Variants in STK32A observed in about 807,000 individuals in gnomAD.
The protein encoded by STK32A is serine/threonine kinase 32A, also known as serine/threonine-protein kinase 32A.
In STK32A, 41 loss-of-function variants were observed where a neutral mutation model predicts 53.2. That is an observed-to-expected ratio of 0.77 (90% confidence interval 0.60 to 1.00). STK32A has a LOEUF of 1.00. Among genes scored for constraint, STK32A ranks in the 50% least tolerant of loss-of-function variants. The probability of loss-of-function intolerance (pLI) is 0.00; values close to 1 mark genes in which losing one functional copy is unlikely to be tolerated. For missense variants in STK32A, 458 were observed against 485.8 expected (o/e 0.94, Z 0.54); for synonymous variants, 166 against 162.8 (o/e 1.02, Z -0.15).
intron 4 of STK32A, among the ~76,000 whole-genome samples, chr5:147,300,668 A>G (rs1199202733): frequency 2.6e-5 from 4 of 152,196 alleles, no homozygotes; most frequent in African/African-American, 7.2e-5. Context: ...ACATACCCTC[A>G]TATAATCATA....
chr5:147,364,679 C>G (rs537430884), intron 8 of STK32A, among the ~76,000 whole-genome samples: 1 of 152,162 alleles, frequency 6.6e-6, no homozygotes. Flanking sequence ...TTGCAGACAG[C>G]TTCTTTCTTG....
At chr5:147,296,502 G>T (rs1326089436) in intron 4 of STK32A, among the ~76,000 whole-genome samples, 1 of 152,036 alleles carries the variant, frequency 6.6e-6, no homozygotes, top group African/African-American at 2.4e-5. Context: ...GAAGTTATGT[G>T]CATGCTTACT....
chr5:147,401,765 A>G, the STK32A span: 2 of 1,577,674 alleles, frequency 1.3e-6, no homozygotes, highest in Non-Finnish European at 1.7e-6. Context: ...AGCCTATTTA[A>G]TTTAGCTCCT....
intron 2 of STK32A, among the ~76,000 whole-genome samples, chr5:147,249,916 A>G (rs1374617516): frequency 6.6e-6 from 1 of 150,510 alleles, no homozygotes; most frequent in Non-Finnish European, 1.5e-5. Context: ...CTCAAAAAAA[A>G]AAAAAAAAAA....
At chr5:147,278,968 T>C (rs1751903728) in intron 3 of STK32A, among the ~76,000 whole-genome samples, 1 of 152,154 alleles carries the variant, frequency 6.6e-6, no homozygotes, top group South Asian at 2.1e-4. Context: ...ATTCCTGACA[T>C]GGAGGCAGCT....
At chr5:147,273,900 TATAC>T (rs759434816) in intron 2 of STK32A, among the ~76,000 whole-genome samples, 42 of 152,154 alleles carry the variant, frequency 2.8e-4, no homozygotes, top group Non-Finnish European at 4.3e-4. Context: ...CCCTCAACTG[TATAC>T]ACTATAAGGA....
chr5:147,291,235 C>T (rs1456878491), intron 4 of STK32A, among the ~76,000 whole-genome samples: 2 of 152,092 alleles, frequency 1.3e-5, no homozygotes, highest in African/African-American at 4.8e-5. Flanking sequence ...TGAACTTAAG[C>T]AGTTTTGGCT....
chr5:147,383,562 C>G, intron 12 of STK32A, 57 bp downstream of exon 12: 2 of 1,275,014 alleles, frequency 1.6e-6, no homozygotes, highest in East Asian at 2.5e-5. Flanking sequence ...TTCAGCCAGA[C>G]TTTACTTGCA....
At chr5:147,397,820 C>T in the STK32A span, 2 of 1,612,682 alleles carry the variant, frequency 1.2e-6, no homozygotes, top group Non-Finnish European at 1.7e-6. Flanking sequence ...CAGCTCCATC[C>T]CTTCAAAGAT....
At chr5:147,287,078 T>C (rs1581041866) in intron 4 of STK32A, among the ~76,000 whole-genome samples, 1 of 152,316 alleles carries the variant, frequency 6.6e-6, no homozygotes, top group East Asian at 1.9e-4. Context: ...GGATAGGTGC[T>C]TCCTTTGTCA....
At chr5:147,342,970 T>C (rs1303611950) in intron 5 of STK32A, 36 bp from the exon 6 acceptor site, 1 of 1,611,348 alleles carries the variant, frequency 6.2e-7, no homozygotes, top group Non-Finnish European at 8.5e-7. Flanking sequence ...TTCGTTTTAT[T>C]GTGAGCAACT....
intron 5 of STK32A, among the ~76,000 whole-genome samples, chr5:147,332,260 A>G (rs1754906411): frequency 6.6e-6 from 1 of 152,148 alleles, no homozygotes; most frequent in African/African-American, 2.4e-5. Flanking sequence ...TGGCTTTAGT[A>G]TAGGGTAACC....
chr5:147,312,782 C>G (rs1211092805), intron 4 of STK32A, among the ~76,000 whole-genome samples: 1 of 152,162 alleles, frequency 6.6e-6, no homozygotes, highest in African/African-American at 2.4e-5. Flanking sequence ...GGTGGCAATT[C>G]AAAATGATAT....
At chr5:147,378,126 C>T (rs1757303345) in intron 11 of STK32A, among the ~76,000 whole-genome samples, 1 of 152,030 alleles carries the variant, frequency 6.6e-6, no homozygotes, top group Admixed American at 6.6e-5. Context: ...ATTCAGATGA[C>T]TGTAAAATTC....
intron 4 of STK32A, among the ~76,000 whole-genome samples, chr5:147,310,890 C>A (rs1753661366): frequency 6.6e-6 from 1 of 152,072 alleles, no homozygotes; most frequent in Admixed American, 6.6e-5. Flanking sequence ...CCTTGAGAAG[C>A]TTCATAAATT....
intron 2 of STK32A, among the ~76,000 whole-genome samples, chr5:147,273,299 G>A (rs527400694): frequency 8.2e-4 from 125 of 152,194 alleles, no homozygotes; most frequent in Non-Finnish European, 1.1e-3. Context: ...ATTCTAAAAA[G>A]AGACAGGAAG....
At chr5:147,308,160 ATATG>A (rs200393029) in intron 4 of STK32A, among the ~76,000 whole-genome samples, 2,298 of 82,742 alleles carry the variant, frequency 0.028, 97 homozygotes, top group East Asian at 0.22. Flanking sequence ...ATATATATAT[ATATG>A]TGTGTACATG....
At chr5:147,321,046 T>C (rs1199486649) in intron 4 of STK32A, among the ~76,000 whole-genome samples, 3 of 152,178 alleles carry the variant, frequency 2.0e-5, no homozygotes, top group Non-Finnish European at 2.9e-5. Context: ...ATGGTCTGGG[T>C]CAAGCATGAT....
chr5:147,262,208 C>G (rs183363007), intron 2 of STK32A, among the ~76,000 whole-genome samples: 109 of 152,244 alleles, frequency 7.2e-4, no homozygotes, highest in African/African-American at 2.5e-3. Flanking sequence ...AGAATCCTCA[C>G]CCCACTTCTG....
Sources: allele counts gnomAD v4.1 joint callset (sites outside exome capture counted in the v4.1 genomes callset), GRCh38; gene constraint gnomAD v4.1.1; transcripts MANE v1.5; gene names NCBI Gene and HGNC (gene_info 2026-07-23, HGNC 2026-07-21).